PARG: variants seen among roughly 807,000 people sequenced by gnomAD.
PARG encodes the protein poly(ADP-ribose) glycohydrolase.
A neutral mutation model predicts 113.0 loss-of-function variants in PARG; 35 were observed. That is an observed-to-expected ratio of 0.31 (90% CI 0.24 to 0.41). The LOEUF is 0.41. Among genes scored for constraint, PARG ranks in the 10% least tolerant of loss-of-function variants. The probability of loss-of-function intolerance (pLI) is 1.00; values close to 1 mark genes in which losing one functional copy is unlikely to be tolerated. For synonymous variants in PARG, 330 were observed against 409.9 expected, an observed-to-expected ratio of 0.81 and a Z score of 2.36; for missense variants, 797 against 1,169.4, an observed-to-expected ratio of 0.68 and a Z score of 4.64.
At chr10:49,887,150 A>T (rs1433490630) in intron 7 of PARG, among the ~76,000 whole-genome samples, 4 of 152,086 alleles carry the variant, frequency 2.6e-5, no homozygotes, top group Admixed American at 6.6e-5. Context: ...CCTGGGCTCA[A>T]AAAATCTCTT....
intron 3 of PARG, 122 bp from the exon 4 acceptor site, chr10:49,932,405 T>C (rs2132969854): frequency 3.0e-6 from 2 of 666,464 alleles, no homozygotes; most frequent in East Asian, 2.6e-5. Context: ...GTCACTCACT[T>C]CGTTATGTAT....
intron 16 of PARG, among the ~76,000 whole-genome samples, chr10:49,831,556 C>A (rs1251929557): frequency 6.6e-6 from 1 of 152,120 alleles, no homozygotes; most frequent in Non-Finnish European, 1.5e-5. Context: ...CAGGGGAGGG[C>A]AGAGACCGAG....
intron 15 of PARG, among the ~76,000 whole-genome samples, chr10:49,839,335 C>CAA (rs782231185): frequency 3.6e-5 from 4 of 112,396 alleles, no homozygotes; most frequent in African/African-American, 9.8e-5. Flanking sequence ...AATTCCGTCT[C>CAA]AAAAAAAAAA....
At chr10:49,879,296 G>T (rs540398355) in intron 9 of PARG, among the ~76,000 whole-genome samples, 177 of 151,496 alleles carry the variant, frequency 1.2e-3, no homozygotes, top group Non-Finnish European at 2.1e-3. Context: ...ACCTTTCACA[G>T]TATTTCAGCA....
intron 7 of PARG, among the ~76,000 whole-genome samples, chr10:49,905,107 C>A (rs1419838581): frequency 6.6e-6 from 1 of 152,262 alleles, no homozygotes; most frequent in African/African-American, 2.4e-5. Flanking sequence ...TGGAATAAGA[C>A]GAGCTTTTCC....
At position 49,892,958 on chromosome 10, in the gene PARG, C is replaced by T. The variant is rs138150977; in HGVS notation, c.1738-7663G>A. On this transcript the variant is annotated intron_variant, in intron 7 of 17. Coordinates refer to ENST00000616448, the MANE Select transcript of PARG (RefSeq NM_003631.5). The stretch of plus-strand genomic sequence containing the variant: ...TTATTTTATGGTATGAATACATCCA[C>T]AATTTGTTTATTCATTCTCTTGTTG... 6.4e-4 allele frequency among the ~76,000 whole-genome samples: 98 copies of T among 152,304 alleles called. 1 individual carries two copies. The East Asian group carries it at 0.017, about 26-fold the overall frequency.
At chr10:49,922,201 G>A (rs1242228536) in intron 6 of PARG, 135 bp downstream of exon 6, 2 of 833,496 alleles carry the variant, frequency 2.4e-6, no homozygotes, top group African/African-American at 1.7e-5. Flanking sequence ...TGTCTCTAAG[G>A]GGCCTTCCTT....
At chr10:49,917,566 CAT>C (rs1397606135) in intron 6 of PARG, among the ~76,000 whole-genome samples, 1 of 149,602 alleles carries the variant, frequency 6.7e-6, no homozygotes, top group Admixed American at 6.7e-5. Context: ...CACCTGTAAT[CAT>C]AGCACACTCC....
chr10:49,833,037 C>A, intron 15 of PARG, 129 bp from the exon 16 acceptor site: 9 of 483,972 alleles, frequency 1.9e-5, no homozygotes, highest in South Asian at 4.4e-5. Flanking sequence ...TCCATAGGGG[C>A]CAAAATAGAG....
intron 4 of PARG, among the ~76,000 whole-genome samples, chr10:49,923,196 C>G (rs1169261733): frequency 6.6e-6 from 1 of 152,052 alleles, no homozygotes; most frequent in Admixed American, 6.6e-5. Flanking sequence ...CTACCAATTG[C>G]CACCTCCCCC....
At chr10:49,901,036 T>C (rs1202998201) in intron 7 of PARG, among the ~76,000 whole-genome samples, 11 of 151,912 alleles carry the variant, frequency 7.2e-5, no homozygotes, top group East Asian at 1.9e-4. Context: ...CAATCTTTTA[T>C]TATAGTTTAT....
At chr10:49,840,743 T>C (rs1174447502) in intron 15 of PARG, among the ~76,000 whole-genome samples, 1 of 152,212 alleles carries the variant, frequency 6.6e-6, no homozygotes, top group African/African-American at 2.4e-5. Context: ...GTTCAAAATA[T>C]CTACTAAGTT....
At chr10:49,894,813 A>G (rs1350930909) in intron 7 of PARG, among the ~76,000 whole-genome samples, 3 of 152,186 alleles carry the variant, frequency 2.0e-5, no homozygotes, top group African/African-American at 7.2e-5. Context: ...GCAGCTTAAA[A>G]CAACAAAAAT....
intron 7 of PARG, among the ~76,000 whole-genome samples, chr10:49,901,302 T>TG (rs1848338402): frequency 6.6e-6 from 1 of 151,980 alleles, no homozygotes; most frequent in Non-Finnish European, 1.5e-5. Flanking sequence ...TTTGTAGCAA[T>TG]GGGGTCTCAC....
intron 2 of PARG, 44 bp from the exon 3 acceptor site, chr10:49,934,207 A>G: frequency 1.3e-6 from 1 of 797,552 alleles, no homozygotes; most frequent in Non-Finnish European, 2.1e-6. Context: ...ATAATACAAA[A>G]AAGTCACTTA....
intron 7 of PARG, among the ~76,000 whole-genome samples, chr10:49,899,574 C>T (rs1848258000): frequency 6.6e-6 from 1 of 152,130 alleles, no homozygotes; most frequent in South Asian, 2.1e-4. Context: ...AGGAAATAGC[C>T]AGGTTAACAT....
chr10:49,818,630 C>T lies in PARG; in HGVS notation c.*710G>A, dbSNP rs370412207. 6.6e-6 allele frequency: 1 copy of T among 152,356 alleles called. No individual in the cohort carries two copies. Among genetic ancestry groups the T allele is most frequent in the Non-Finnish European group, 1.5e-5 (1 of 68,004 alleles). The allele number at this position is 152,356 out of a possible 1,614,324, so 9.4% of individuals were successfully genotyped here. The stretch of plus-strand genomic sequence containing the variant: ...CTTTACACCACATCAGGAAAACCTC[C>T]TTTTATTCCACATTTCCTTTCATCT... On this transcript the variant is annotated 3_prime_UTR_variant, in exon 18 of 18. Transcript: ENST00000616448.
At chr10:49,837,881 T>C (rs1250120531) in intron 15 of PARG, among the ~76,000 whole-genome samples, 9 of 152,218 alleles carry the variant, frequency 5.9e-5, no homozygotes, top group Admixed American at 3.3e-4. Context: ...GGTATTTCCT[T>C]GTCTCACAGG....
intron 16 of PARG, among the ~76,000 whole-genome samples, chr10:49,830,212 C>T (rs1241118646): frequency 1.3e-5 from 2 of 152,236 alleles, no homozygotes; most frequent in East Asian, 3.8e-4. Flanking sequence ...CTGTCTATCA[C>T]AAATGACCAC....
Sources: gnomAD v4.1 joint callset for allele counts (sites outside exome capture counted in the v4.1 genomes callset) on GRCh38, gnomAD v4.1.1 for gene constraint, MANE v1.5 for transcripts, NCBI Gene and HGNC (gene_info 2026-07-23, HGNC 2026-07-21) for gene names.